LINGO2: variants seen among roughly 807,000 people sequenced by gnomAD.
LINGO2 encodes the protein leucine rich repeat and Ig domain containing 2, also known as leucine-rich repeat and immunoglobulin-like domain-containing nogo receptor-interacting protein 2.
A neutral mutation model predicts 30.6 loss-of-function variants in LINGO2; 14 were observed. That is an observed-to-expected ratio of 0.46 (90% CI 0.30 to 0.72). The LOEUF (loss-of-function observed/expected upper bound fraction) is 0.72. Among genes scored for constraint, LINGO2 ranks in the 30% least tolerant of loss-of-function variants. The pLI is 0.07. For synonymous variants in LINGO2, 317 were observed against 288.5 expected (o/e 1.10, Z -1.00); for missense variants, 729 against 751.7 (o/e 0.97, Z 0.35).
At chr9:28,737,611 C>G in the LINGO2 span, among the ~76,000 whole-genome samples, 1 of 149,620 alleles carries the variant, frequency 6.7e-6, no homozygotes, top group African/African-American at 2.5e-5. Context: ...TTCAGAGCTC[C>G]CCATGCAATC....
chr9:29,192,910 C>G, the LINGO2 span, among the ~76,000 whole-genome samples: 11 of 152,164 alleles, frequency 7.2e-5, no homozygotes, highest in Non-Finnish European at 1.3e-4. Context: ...TCAAACTATG[C>G]GGTGCCCCAT....
At chr9:28,633,137 C>A (rs1291706850) in intron 1 of LINGO2, among the ~76,000 whole-genome samples, 1 of 151,870 alleles carries the variant, frequency 6.6e-6, no homozygotes, top group Non-Finnish European at 1.5e-5. Flanking sequence ...GCTTTTTATT[C>A]TCTGGAAGCT....
intron 1 of LINGO2, among the ~76,000 whole-genome samples, chr9:28,626,494 T>G (rs1826685175): frequency 6.6e-6 from 1 of 152,082 alleles, no homozygotes; most frequent in Non-Finnish European, 1.5e-5. Flanking sequence ...CATAAAGATT[T>G]TTCTCTTATA....
At chr9:28,837,986 C>T in the LINGO2 span, among the ~76,000 whole-genome samples, 1 of 151,896 alleles carries the variant, frequency 6.6e-6, no homozygotes, top group Non-Finnish European at 1.5e-5. Context: ...AAACTATTCC[C>T]TTCAAAGAAA....
chr9:29,036,155 T>C, the LINGO2 span, among the ~76,000 whole-genome samples: 1 of 152,086 alleles, frequency 6.6e-6, no homozygotes, highest in East Asian at 1.9e-4. Flanking sequence ...AATTTATCAA[T>C]ACTTACACTA....
At chr9:28,603,759 T>A (rs1275157936) in intron 1 of LINGO2, among the ~76,000 whole-genome samples, 1 of 152,012 alleles carries the variant, frequency 6.6e-6, no homozygotes, top group Non-Finnish European at 1.5e-5. Context: ...GATCAGACAA[T>A]CCAGGACAGT....
At chr9:28,447,139 T>C (rs1352288143) in intron 2 of LINGO2, among the ~76,000 whole-genome samples, 1 of 152,210 alleles carries the variant, frequency 6.6e-6, no homozygotes, top group Non-Finnish European at 1.5e-5. Flanking sequence ...TTGCCTGATA[T>C]CTATCCCCAT....
At chr9:28,622,981 A>G (rs951491896) in intron 1 of LINGO2, among the ~76,000 whole-genome samples, 2 of 151,990 alleles carry the variant, frequency 1.3e-5, no homozygotes, top group Non-Finnish European at 2.9e-5. Context: ...TGCCATTTGT[A>G]TGTCTTATTT....
intron 5 of LINGO2, among the ~76,000 whole-genome samples, chr9:28,012,142 C>A (rs1047288387): frequency 2.0e-5 from 3 of 152,120 alleles, no homozygotes; most frequent in Non-Finnish European, 4.4e-5. Flanking sequence ...TACCACTGAG[C>A]AAAATTGCCT....
the LINGO2 span, among the ~76,000 whole-genome samples, chr9:28,920,047 A>G: frequency 7.2e-5 from 11 of 152,264 alleles, no homozygotes; most frequent in East Asian, 2.1e-3. Flanking sequence ...TTCCTATTAT[A>G]AAATCAATTA....
chr9:28,207,011 C>T (rs1820431244), intron 4 of LINGO2, among the ~76,000 whole-genome samples: 1 of 152,050 alleles, frequency 6.6e-6, no homozygotes, highest in Admixed American at 6.6e-5. Context: ...AAATATTTCT[C>T]TTATTTATTT....
At chr9:28,385,358 C>T (rs1231702868) in intron 2 of LINGO2, among the ~76,000 whole-genome samples, 5 of 152,102 alleles carry the variant, frequency 3.3e-5, no homozygotes, top group Non-Finnish European at 7.4e-5. Flanking sequence ...TCCATTTTCT[C>T]ACAGCTGTTG....
chr9:28,027,959 G>A (rs76433746), intron 4 of LINGO2, among the ~76,000 whole-genome samples: 76 of 152,210 alleles, frequency 5.0e-4, no homozygotes, highest in African/African-American at 1.8e-3. Context: ...AATTAAAGAG[G>A]AAATCAAACT....
intron 1 of LINGO2, among the ~76,000 whole-genome samples, chr9:28,575,158 C>G (rs1823891925): frequency 6.6e-6 from 1 of 152,068 alleles, no homozygotes; most frequent in African/African-American, 2.4e-5. Context: ...AATCCCAGCA[C>G]TTTGGGAGGC....
chr9:28,947,626 G>A, the LINGO2 span, among the ~76,000 whole-genome samples: 1 of 151,520 alleles, frequency 6.6e-6, no homozygotes, highest in Non-Finnish European at 1.5e-5. Flanking sequence ...CTTGTAGACT[G>A]GGTTACAAAA....
chr9:28,357,055 T>C (rs956815528), intron 3 of LINGO2, among the ~76,000 whole-genome samples: 36 of 152,228 alleles, frequency 2.4e-4, no homozygotes, highest in African/African-American at 8.4e-4. Context: ...CAATAATGCA[T>C]TCAAGAATAG....
intron 1 of LINGO2, among the ~76,000 whole-genome samples, chr9:28,492,332 A>G (rs1826431944): frequency 6.6e-6 from 1 of 152,198 alleles, no homozygotes. Flanking sequence ...AGCATTGAGA[A>G]CACATAGCAT....
chr9:29,013,531 A>C, the LINGO2 span, among the ~76,000 whole-genome samples: 25,679 of 152,060 alleles, frequency 0.17, 2,260 homozygotes, highest in East Asian at 0.28. Context: ...TAGACTATGA[A>C]ACATGGAAAT....
chr9:27,955,836 A>G (rs1378087951), intron 5 of LINGO2, among the ~76,000 whole-genome samples: 1 of 152,052 alleles, frequency 6.6e-6, no homozygotes, highest in Admixed American at 6.6e-5. Context: ...TATAAGAAAC[A>G]GGCACATCAT....
Sources: allele counts gnomAD v4.1 joint callset (sites outside exome capture counted in the v4.1 genomes callset), GRCh38; gene constraint gnomAD v4.1.1; transcripts MANE v1.5; gene names NCBI Gene and HGNC (gene_info 2026-07-23, HGNC 2026-07-21).